VWA8: variants seen among roughly 807,000 people sequenced by gnomAD.
The protein encoded by VWA8 is von Willebrand factor A domain containing 8, also known as von Willebrand factor A domain-containing protein 8.
In VWA8, 221 loss-of-function variants were observed where a neutral mutation model predicts 241.5. The observed-to-expected ratio is 0.91, with a 90% CI of 0.82 to 1.02. The LOEUF is 1.02. Among genes scored for constraint, VWA8 ranks in the 50% least tolerant of loss-of-function variants. The pLI, the probability that VWA8 is intolerant of heterozygous loss-of-function variation, is 0.00. For synonymous variants in VWA8, 852 were observed against 827.1 expected, an observed-to-expected ratio of 1.03 and a Z score of -0.52; for missense variants, 2,322 against 2,328.7, an observed-to-expected ratio of 1.00 and a Z score of 0.06.
chr13:41,672,217 C>T (rs762857998), intron 36 of VWA8, among the ~76,000 whole-genome samples: 2 of 152,276 alleles, frequency 1.3e-5, no homozygotes, highest in African/African-American at 2.4e-5. Flanking sequence ...TAGAAAGTTA[C>T]GTGACTCTAT....
intron 17 of VWA8, among the ~76,000 whole-genome samples, chr13:41,804,274 C>T (rs1870087253): frequency 6.6e-6 from 1 of 152,082 alleles, no homozygotes; most frequent in South Asian, 2.1e-4. Context: ...AGAAAAGAAA[C>T]AAACAACATA....
At chr13:41,728,588 G>A (rs2045456069) in intron 23 of VWA8, among the ~76,000 whole-genome samples, 1 of 151,144 alleles carries the variant, frequency 6.6e-6, no homozygotes. Flanking sequence ...GCCTCATAAG[G>A]GCAGGCAGAA....
In VWA8 at chr13:41,778,026, C is replaced by CT; in HGVS notation, c.2307dup (p.Asp770ArgfsTer23). On this transcript the variant is annotated frameshift_variant, in exon 20 of 45. Coordinates refer to ENST00000379310, the MANE Select transcript of VWA8 (RefSeq NM_015058.2). LOFTEE classifies it high-confidence loss of function. ...AATAAGTGTTCTCCAAGGAGAAAGT[C>CT]TTTCAGCATATCTTCCATCACTATC... 1 of 1,612,072 alleles carries CT rather than the reference C, an allele frequency of 6.2e-7. No homozygotes were observed. Among genetic ancestry groups the CT allele is most frequent in the Non-Finnish European group, 8.5e-7 (1 of 1,179,348 alleles).
At chr13:41,684,346 TA>T (rs71696252) in intron 35 of VWA8, among the ~76,000 whole-genome samples, 443 of 145,818 alleles carry the variant, frequency 3.0e-3, no homozygotes, top group African/African-American at 8.5e-3. Context: ...CACTGTGACA[TA>T]AAAAAAAAAA....
chr13:41,666,859 G>A (rs959591106), intron 37 of VWA8, among the ~76,000 whole-genome samples: 2 of 152,152 alleles, frequency 1.3e-5, no homozygotes, highest in South Asian at 4.1e-4. Context: ...ACGTGGCGAG[G>A]AGACATGGAT....
In VWA8 at chr13:41,692,973, C is replaced by G; in HGVS notation, c.3565-1G>C. On this transcript the variant is annotated splice_acceptor_variant, in intron 29 of 44. Coordinates refer to ENST00000379310, the MANE Select transcript of VWA8 (RefSeq NM_015058.2). LOFTEE classifies it high-confidence loss of function. ...TATCTAACAACAGGATAACATTACT[C>G]TGCAAATGATAAAAACAGTGAAAAG... is the stretch of plus-strand genomic sequence containing the variant. The G allele has an allele frequency of 6.3e-7, 1 of 1,583,898 alleles. No individual in the cohort carries two copies. Among genetic ancestry groups the G allele is most frequent in the Admixed American group, 1.7e-5 (1 of 57,622 alleles).
At chr13:41,926,194 A>C in intron 2 of VWA8, 1 of 673,200 alleles carries the variant, frequency 1.5e-6, no homozygotes, top group East Asian at 2.6e-5. Flanking sequence ...ATCATTCCTT[A>C]TGAGATCACA....
chr13:41,823,530 T>A (rs902295219), intron 14 of VWA8, among the ~76,000 whole-genome samples: 6 of 152,094 alleles, frequency 3.9e-5, no homozygotes, highest in Admixed American at 6.6e-5. Context: ...ATATTTAGCA[T>A]CCTATAGTAT....
At chr13:41,748,440 C>T (rs1200107112) in intron 21 of VWA8, among the ~76,000 whole-genome samples, 3 of 151,926 alleles carry the variant, frequency 2.0e-5, no homozygotes, top group Non-Finnish European at 2.9e-5. Context: ...GGATTGGTGG[C>T]GATATCCCCT....
At chr13:41,942,691 C>A (rs534291429) in intron 2 of VWA8, among the ~76,000 whole-genome samples, 5 of 152,270 alleles carry the variant, frequency 3.3e-5, no homozygotes, top group Admixed American at 2.6e-4. Context: ...AGACATATTC[C>A]TCCTGAAGCA....
chr13:41,791,239 C>T (rs1322292030), intron 17 of VWA8, among the ~76,000 whole-genome samples: 1 of 151,764 alleles, frequency 6.6e-6, no homozygotes, highest in Non-Finnish European at 1.5e-5. Context: ...TTGCTAAACT[C>T]AACAGATGAT....
intron 19 of VWA8, among the ~76,000 whole-genome samples, chr13:41,779,900 C>G (rs1265915226): frequency 2.6e-5 from 4 of 152,154 alleles, no homozygotes; most frequent in African/African-American, 9.7e-5. Flanking sequence ...CAAACCTTAG[C>G]TAAGGCTAAA....
chr13:41,805,940 G>C (rs1870175695), intron 17 of VWA8, among the ~76,000 whole-genome samples: 1 of 150,986 alleles, frequency 6.6e-6, no homozygotes, highest in Non-Finnish European at 1.5e-5. Flanking sequence ...TCAGCACATG[G>C]ATCATTCTCA....
At chr13:41,571,315 C>CTCTCCCTCCTCCCTCTCCCTCCCCCG (rs1566370831) in intron 43 of VWA8, among the ~76,000 whole-genome samples, 1 of 105,854 alleles carries the variant, frequency 9.4e-6, no homozygotes, top group Admixed American at 1.1e-4. Flanking sequence ...TCCCTCCTCC[C>CTCTCCCTCCTCCCTCTCCCTCCCCCG]TCTCCCTCTC....
In VWA8 at chr13:41,590,637, T is replaced by A. The variant is rs770198685; in HGVS notation, c.5112+3A>T. 2 of 1,613,790 alleles carry A rather than the reference T, an allele frequency of 1.2e-6. No homozygotes were observed. Among genetic ancestry groups the A allele is most frequent in the Non-Finnish European group, 1.7e-6 (2 of 1,179,890 alleles). ...CTGAGGCTAGCAGTTCACCATGACT[T>A]ACTTGTGGCTCCAGCTCACCCCGAC... On this transcript the variant is annotated splice_donor_region_variant and intron_variant, in intron 41 of 44. Transcript: ENST00000379310.
chr13:41,634,047 T>C (rs1159553803), intron 37 of VWA8, among the ~76,000 whole-genome samples: 1 of 152,172 alleles, frequency 6.6e-6, no homozygotes, highest in Non-Finnish European at 1.5e-5. Flanking sequence ...GGTTGAGGGC[T>C]TTAGGCAGCA....
intron 5 of VWA8, among the ~76,000 whole-genome samples, chr13:41,889,935 T>C (rs7326360): frequency 2.0e-5 from 3 of 152,118 alleles, no homozygotes; most frequent in Admixed American, 1.3e-4. Flanking sequence ...ACGTTCTGCA[T>C]AATAGCCTTT....
chr13:41,696,747 A>T lies in VWA8; in HGVS notation c.3564+2324T>A, dbSNP rs533999472. On this transcript the variant is annotated intron_variant, in intron 29 of 44. Coordinates refer to ENST00000379310, the MANE Select transcript of VWA8 (RefSeq NM_015058.2). ...ATTGATCCTTATCTTTGAGACATTC[A>T]TCACTTGCATTCCTGGATAACACAC... is the stretch of plus-strand genomic sequence containing the variant. Among the ~76,000 whole-genome samples the T allele has an allele frequency of 2.0e-5, 3 of 152,338 alleles. No homozygotes were observed. The East Asian group carries it at 5.8e-4, about 29-fold the overall frequency.
intron 21 of VWA8, among the ~76,000 whole-genome samples, chr13:41,759,927 A>G (rs2045727565): frequency 6.6e-6 from 1 of 151,542 alleles, no homozygotes; most frequent in Admixed American, 6.6e-5. Context: ...CATTATTTTT[A>G]TTTTTAAAGC....
Sources: gnomAD v4.1 joint callset for allele counts (sites outside exome capture counted in the v4.1 genomes callset) on GRCh38, gnomAD v4.1.1 for gene constraint, MANE v1.5 for transcripts, NCBI Gene and HGNC (gene_info 2026-07-23, HGNC 2026-07-21) for gene names.